SEPTIN9: variants seen among roughly 807,000 people sequenced by gnomAD.
The protein encoded by SEPTIN9 is septin 9.
SEPTIN9 carries 13 observed loss-of-function variants against 56.6 expected under a neutral mutation model. The ratio of observed to expected loss-of-function variants is 0.23; its 90% CI spans 0.15 to 0.37. SEPTIN9 has a LOEUF of 0.37. Among genes scored for constraint, SEPTIN9 ranks in the 10% least tolerant of loss-of-function variants. SEPTIN9 has a pLI of 1.00. For missense variants in SEPTIN9, 650 were observed against 823.1 expected, an observed-to-expected ratio of 0.79 and a Z score of 2.57; for synonymous variants, 332 against 334.1, an observed-to-expected ratio of 0.99 and a Z score of 0.07.
At chr17:77,413,539 G>A (rs553834070) in intron 3 of SEPTIN9, among the ~76,000 whole-genome samples, 1 of 152,338 alleles carries the variant, frequency 6.6e-6, no homozygotes, top group Admixed American at 6.5e-5. Flanking sequence ...ATGACTGACT[G>A]TGGCCAGCGT....
In SEPTIN9 at chr17:77,476,648, C is replaced by T. The variant is rs949964565; in HGVS notation, c.722-5496C>T. Among the ~76,000 whole-genome samples the T allele has an allele frequency of 1.3e-5, 2 of 152,238 alleles. No homozygotes were observed. The highest frequency in any genetic ancestry group is 4.8e-5 in the African/African-American group (2 of 41,464). On this transcript the variant is annotated intron_variant, in intron 3 of 11. Coordinates refer to ENST00000427177, the MANE Select transcript of SEPTIN9 (RefSeq NM_001113491.2). This position sits in a 1 kb window ranked among gnomAD's most constrained non-coding sequence, Gnocchi z 6.0. ...TCACGGGACCGGTGACCTACTGCCA[C>T]CAGCGCCAGTGAATGGCAGAGGGGC...
intron 1 of SEPTIN9, among the ~76,000 whole-genome samples, chr17:77,298,898 T>C (rs910278632): frequency 6.6e-6 from 1 of 152,178 alleles, no homozygotes; most frequent in African/African-American, 2.4e-5. Context: ...ACTGCAGCCT[T>C]GAACTTCTGG....
At chr17:77,351,232 CACACACA>C (rs2034054425) in intron 2 of SEPTIN9, among the ~76,000 whole-genome samples, 1 of 56,766 alleles carries the variant, frequency 1.8e-5, no homozygotes, top group African/African-American at 9.1e-5. Context: ...GCACACAACA[CACACACA>C]CACACACACA....
chr17:77,421,040 G>A lies in SEPTIN9; in HGVS notation c.721+18337G>A, dbSNP rs2036682610. Reference sequence around the variant, plus strand: ...CTGGCTGCTGAGCTGTCCTGGAGACGGGGTACTGTGCAGTGGTCGGGGTAG... The same window carrying A: ...CTGGCTGCTGAGCTGTCCTGGAGACAGGGTACTGTGCAGTGGTCGGGGTAG... On this transcript the variant is annotated intron_variant, in intron 3 of 11. Transcript: ENST00000427177. This position sits in a 1 kb window ranked among gnomAD's most constrained non-coding sequence, Gnocchi z 4.6. Among the ~76,000 whole-genome samples, 1 of 152,200 alleles carries A rather than the reference G, an allele frequency of 6.6e-6. No homozygotes were observed. Among genetic ancestry groups the A allele is most frequent in the South Asian group, 2.1e-4 (1 of 4,832 alleles).
Position 77,436,966 on chromosome 17 carries a change from C to G in SEPTIN9, c.721+34263C>G, listed in dbSNP as rs368081545. Among the ~76,000 whole-genome samples the G allele has an allele frequency of 6.6e-6, 1 of 152,202 alleles. No individual in the cohort carries two copies. Among genetic ancestry groups the G allele is most frequent in the African/African-American group, 2.4e-5 (1 of 41,450 alleles). On this transcript the variant is annotated intron_variant, in intron 3 of 11. Transcript: ENST00000427177. This position sits in a 1 kb window ranked among gnomAD's most constrained non-coding sequence, Gnocchi z 4.4. The stretch of plus-strand genomic sequence containing the variant: ...GGAAGATGCAGGACACAGATTCACG[C>G]GATTGTGCAGATCACCTGGCCTCAC...
chr17:77,354,588 C>A (rs574398407), intron 2 of SEPTIN9, among the ~76,000 whole-genome samples: 1 of 152,152 alleles, frequency 6.6e-6, no homozygotes, highest in South Asian at 2.1e-4. Context: ...TGCCTGCATG[C>A]GGCCGCTGCC....
rs2039824774 is a variant in SEPTIN9, at chr17:77,487,087, T to TC, written c.914-335dup. Among the ~76,000 whole-genome samples, 1 of 152,080 alleles carries TC rather than the reference T, an allele frequency of 6.6e-6. No individual in the cohort carries two copies. Among genetic ancestry groups the TC allele is most frequent in the Non-Finnish European group, 1.5e-5 (1 of 67,994 alleles). On this transcript the variant is annotated intron_variant, in intron 4 of 11. Transcript: ENST00000427177. The surrounding 1 kb of genome is among the most constrained non-coding windows in gnomAD (Gnocchi z 4.3). ...CTCCGCCAGCCCGGCCTCTGTCCTG[T>TC]CCAAAATCTGAGCCACCAGGAGACC...
rs2039155428 is a variant in SEPTIN9, at chr17:77,475,152, G to T, written c.722-6992G>T. 1.1e-5 allele frequency: 11 copies of T among 1,041,808 alleles called. No individual in the cohort carries two copies. The highest frequency in any genetic ancestry group is 1.3e-5 in the Non-Finnish European group (11 of 834,860). The allele number at this position is 1,041,808 out of a possible 1,614,324, so 64.5% of individuals were successfully genotyped here. ...CCCTACGCTGCTCTGAAGAAAGCCG[G>T]GCTGGGGTGAGCGTGATGGATGAGG... is the stretch of plus-strand genomic sequence containing the variant. On this transcript the variant is annotated intron_variant, in intron 3 of 11. Transcript: ENST00000427177. This position sits in a 1 kb window ranked among gnomAD's most constrained non-coding sequence, Gnocchi z 4.6.
chr17:77,370,316 G>A (rs967092936), intron 2 of SEPTIN9, among the ~76,000 whole-genome samples: 6 of 152,162 alleles, frequency 3.9e-5, no homozygotes, highest in African/African-American at 1.4e-4. Flanking sequence ...GGTGTTCCTT[G>A]GCCTGTGGCT....
intron 3 of SEPTIN9, among the ~76,000 whole-genome samples, chr17:77,471,622 C>A (rs1292595006): frequency 6.6e-6 from 1 of 152,270 alleles, no homozygotes; most frequent in African/African-American, 2.4e-5. Context: ...GCCCTGCCCT[C>A]CCCAACCCCT....
intron 3 of SEPTIN9, among the ~76,000 whole-genome samples, chr17:77,431,549 C>G (rs2037132477): frequency 6.6e-6 from 1 of 152,086 alleles, no homozygotes; most frequent in Non-Finnish European, 1.5e-5. Context: ...GTATGAGAAC[C>G]ACCTCAGCCA....
intron 3 of SEPTIN9, among the ~76,000 whole-genome samples, chr17:77,423,922 C>T (rs569467279): frequency 4.6e-5 from 7 of 151,380 alleles, no homozygotes; most frequent in South Asian, 4.2e-4. Flanking sequence ...GGTGGCCGCC[C>T]GCCCTGAGCC....
At chr17:77,493,828 A>G (rs2040143745) in intron 10 of SEPTIN9, among the ~76,000 whole-genome samples, 1 of 139,012 alleles carries the variant, frequency 7.2e-6, no homozygotes, top group Non-Finnish European at 1.5e-5. Context: ...GCTGGAGTGC[A>G]GTGTTGCAAT....
chr17:77,358,167 C>T (rs1252149162), intron 2 of SEPTIN9, among the ~76,000 whole-genome samples: 3 of 152,196 alleles, frequency 2.0e-5, no homozygotes. Context: ...ACGGGGTCTG[C>T]ACCCAGGAGT....
chr17:77,292,647 C>T (rs191896673), intron 1 of SEPTIN9, among the ~76,000 whole-genome samples: 1 of 152,094 alleles, frequency 6.6e-6, no homozygotes, highest in East Asian at 1.9e-4. Context: ...GCGCCCGCCA[C>T]CATGCCTGGC....
At chr17:77,462,953 G>A (rs1405916808) in intron 3 of SEPTIN9, among the ~76,000 whole-genome samples, 1 of 152,134 alleles carries the variant, frequency 6.6e-6, no homozygotes, top group Admixed American at 6.6e-5. Flanking sequence ...AGGCCTGAGC[G>A]TTTTTATGCT....
rs2037050537 is a variant in SEPTIN9, at chr17:77,429,565, CAG to C, written c.721+26863_721+26864del. On this transcript the variant is annotated intron_variant, in intron 3 of 11. Coordinates refer to ENST00000427177, the MANE Select transcript of SEPTIN9 (RefSeq NM_001113491.2). The surrounding 1 kb of genome is among the most constrained non-coding windows in gnomAD (Gnocchi z 5.2). ...TTTCTGGGCTTTGATCGAAAGGGAACAGGGGACACATCTGGGGACAGTCTCCT... is the reference window on the plus strand; with the variant it reads ...TTTCTGGGCTTTGATCGAAAGGGAACGGGACACATCTGGGGACAGTCTCCT... Among the ~76,000 whole-genome samples, 1 of 152,114 alleles carries C rather than the reference CAG, an allele frequency of 6.6e-6. No homozygotes were observed. Among genetic ancestry groups the C allele is most frequent in the South Asian group, 2.1e-4 (1 of 4,828 alleles).
chr17:77,388,137 G>A (rs975062147), intron 2 of SEPTIN9, among the ~76,000 whole-genome samples: 2 of 152,124 alleles, frequency 1.3e-5, no homozygotes, highest in African/African-American at 4.8e-5. Flanking sequence ...CCAGGGGCCC[G>A]CCCTGCCCGC....
At position 77,499,288 on chromosome 17, in the gene SEPTIN9, C is replaced by T. The variant is rs759175532; in HGVS notation, c.*630C>T. On this transcript the variant is annotated 3_prime_UTR_variant, in exon 12 of 12. Coordinates refer to ENST00000427177, the MANE Select transcript of SEPTIN9 (RefSeq NM_001113491.2). ...CTGCCCCTCCTGGAGCAGAAAGTGC[C>T]TTTATCTCAGCCATCCGCAGACTGC... 9 of 598,086 alleles carry T rather than the reference C, an allele frequency of 1.5e-5. No individual in the cohort carries two copies. Among genetic ancestry groups the T allele is most frequent in the Non-Finnish European group, 2.9e-5 (9 of 309,134 alleles). 37.0% of individuals were successfully genotyped at this position (598,086 alleles called of 1,614,324 possible).
Sources: allele counts gnomAD v4.1 joint callset (sites outside exome capture counted in the v4.1 genomes callset), GRCh38; gene constraint gnomAD v4.1.1; non-coding constraint Gnocchi (gnomAD v3.1); transcripts MANE v1.5; gene names NCBI Gene and HGNC (gene_info 2026-07-23, HGNC 2026-07-21).